Variants in KLHL5 observed in about 807,000 individuals in gnomAD.
KLHL5 encodes the protein kelch-like protein 5.
KLHL5 carries 48 observed loss-of-function variants against 77.7 expected under a neutral mutation model. That is an observed-to-expected ratio of 0.62 (90% CI 0.49 to 0.79). The LOEUF (loss-of-function observed/expected upper bound fraction) is 0.79, where lower values mean the gene tolerates loss of function less well. KLHL5 is among the 30% of genes least tolerant of loss of function. KLHL5 has a pLI of 0.00. For synonymous variants in KLHL5, 260 were observed against 297.0 expected, an observed-to-expected ratio of 0.88 and a Z score of 1.28; for missense variants, 723 against 859.7, an observed-to-expected ratio of 0.84 and a Z score of 1.99.
intron 4 of KLHL5, among the ~76,000 whole-genome samples, chr4:39,084,209 C>T (rs1018921120): frequency 1.3e-5 from 2 of 152,118 alleles, no homozygotes; most frequent in Admixed American, 1.3e-4. Flanking sequence ...TGAGTTCAAT[C>T]AGTGAATGGT....
intron 5 of KLHL5, chr4:39,093,225 A>G: frequency 2.3e-6 from 1 of 442,776 alleles, no homozygotes; most frequent in African/African-American, 2.0e-5. Context: ...AAGTCTCAAA[A>G]GTGTGCTAAG....
the KLHL5 span, among the ~76,000 whole-genome samples, chr4:39,137,598 T>C: frequency 6.6e-6 from 1 of 152,032 alleles, no homozygotes; most frequent in Non-Finnish European, 1.5e-5. Context: ...CCAGCCTGGG[T>C]GATGGAATGA....
At chr4:39,100,632 T>C (rs1721451511) in intron 6 of KLHL5, among the ~76,000 whole-genome samples, 1 of 152,180 alleles carries the variant, frequency 6.6e-6, no homozygotes, top group Admixed American at 6.5e-5. Context: ...AACAGGCATT[T>C]TGGCTTTGGA....
intron 6 of KLHL5, among the ~76,000 whole-genome samples, chr4:39,098,135 CAAA>C (rs571749349): frequency 0.036 from 2,547 of 70,798 alleles, 72 homozygotes; most frequent in African/African-American, 0.1. Context: ...GAATCCATCT[CAAA>C]AAAAAAAAAA....
At chr4:39,135,169 A>C in the KLHL5 span, 1 of 152,206 alleles carries the variant, frequency 6.6e-6, no homozygotes, top group South Asian at 2.1e-4. Flanking sequence ...TTATGGTTTC[A>C]TGGATGCTGG....
chr4:39,062,764 GA>G lies in KLHL5; in HGVS notation c.114del (p.Glu38AspfsTer17). On this transcript the variant is annotated frameshift_variant, in exon 1 of 11. Coordinates refer to ENST00000504108, the MANE Select transcript of KLHL5 (RefSeq NM_015990.5). LOFTEE classifies it high-confidence loss of function. ...TTCTACAGTTGACAGCCAGCAGGGA[GA>G]ATTTTGGAACCGAGGACAGACTGGA... Reference protein sequence around the residue: ...PNSTVDSQQGEFWNRGQTGAN... With the variant: ...PNSTVDSQQGXFWNRGQTGAN... The G allele has an allele frequency of 2.5e-6, 4 of 1,614,164 alleles. No individual in the cohort carries two copies. The highest frequency in any genetic ancestry group is 3.4e-6 in the Non-Finnish European group (4 of 1,180,004).
chr4:39,076,018 C>T lies in KLHL5; in HGVS notation c.437C>T (p.Thr146Ile). The T allele has an allele frequency of 6.2e-7, 1 of 1,612,434 alleles. No individual in the cohort carries two copies. ...TCCTGTCATACTATGGAGCCATGTA[C>T]ATCAGATGAATTTTTCCAAGCCCTT... ...LSSCHTMEPC[T>I]SDEFFQALNH... The change falls in exon 2 of 11, where the codon ACA becomes ATA. Residue 146 changes from threonine to isoleucine, a missense_variant. Thr to Ile is a moderately conservative substitution (Grantham distance 89). Transcript: ENST00000504108.
chr4:39,045,021 C>G (rs1468441708), upstream of KLHL5: 1 of 992,928 alleles, frequency 1.0e-6, no homozygotes, highest in Non-Finnish European at 1.2e-6. Flanking sequence ...CCGGCCCCGG[C>G]CCCCGCCTCC....
the KLHL5 span, among the ~76,000 whole-genome samples, chr4:39,136,795 A>C: frequency 6.6e-6 from 1 of 152,184 alleles, no homozygotes; most frequent in Non-Finnish European, 1.5e-5. Context: ...TGCAGTGGCT[A>C]GTTAGCCAGG....
In KLHL5 at chr4:39,051,305, C is replaced by T. The variant is rs79553273; in HGVS notation, c.-95+6209C>T. On this transcript the variant is annotated intron_variant, in intron 1 of 11. Transcript: ENST00000261425. ...GTTTGAAAAATATCCATAGCTTCAC[C>T]TCATCAGTGGCCGAAGAGATTAACT... 1.4e-3 allele frequency among the ~76,000 whole-genome samples: 217 copies of T among 151,888 alleles called. 5 individuals are homozygous for T. In the East Asian group the frequency reaches 0.037, roughly 26 times the overall value.
upstream of KLHL5, chr4:39,045,032 C>T (rs1716045475): frequency 1.0e-6 from 1 of 993,962 alleles, no homozygotes; most frequent in Non-Finnish European, 1.2e-6. Flanking sequence ...CCCCGCCTCC[C>T]CCGCTCCTCC....
At chr4:39,135,767 G>A in the KLHL5 span, among the ~76,000 whole-genome samples, 1 of 152,106 alleles carries the variant, frequency 6.6e-6, no homozygotes, top group Non-Finnish European at 1.5e-5. Flanking sequence ...AGCCGGACGT[G>A]TTGGTGCGCT....
At chr4:39,054,581 G>A (rs1448853865) in intron 1 of KLHL5, among the ~76,000 whole-genome samples, 1 of 152,212 alleles carries the variant, frequency 6.6e-6, no homozygotes, top group Non-Finnish European at 1.5e-5. Context: ...ACTGAAGAGA[G>A]AACTGAAGAC....
downstream of KLHL5, among the ~76,000 whole-genome samples, chr4:39,131,752 G>A (rs564898858): frequency 6.6e-6 from 1 of 152,142 alleles, no homozygotes; most frequent in East Asian, 1.9e-4. Flanking sequence ...GCCGGGTGTG[G>A]TGGTGCATGC....
rs1481898562 is a variant in KLHL5 at position 39,063,016 on chromosome 4, T to G, written c.364T>G (p.Ser122Ala). ...TGGCACTAGTGAAGAAGAAAATGAATCTGATTCCAGTTCATGCAGGTTGAT... is the reference window on the plus strand; with the variant it reads ...TGGCACTAGTGAAGAAGAAAATGAAGCTGATTCCAGTTCATGCAGGTTGAT... ...DDGTSEEENESDSSSCRTSNS... is the reference protein window; with the variant it reads ...DDGTSEEENEADSSSCRTSNS... Residue 122 changes from serine (S) to alanine (A), a missense_variant, in exon 1 of 11, where the codon TCT becomes GCT. Transcript: ENST00000504108. 1.9e-6 allele frequency: 3 copies of G among 1,612,576 alleles called. No individual in the cohort carries two copies. Among genetic ancestry groups the G allele is most frequent in the East Asian group, 4.5e-5 (2 of 44,858 alleles).
In KLHL5 at chr4:39,101,123, ATT is replaced by A. The variant is rs763967060; in HGVS notation, c.1301-2161_1301-2160del. ...GATTTTGTTAATTTTGGATATTTGG[ATT>A]TTATATATATATATATATATATCTA... is the stretch of plus-strand genomic sequence containing the variant. On this transcript the variant is annotated intron_variant, in intron 6 of 10. Coordinates refer to ENST00000504108, the MANE Select transcript of KLHL5 (RefSeq NM_015990.5). 9.8e-4 allele frequency among the ~76,000 whole-genome samples: 25 copies of A among 25,592 alleles called. 1 individual carries two copies. Among genetic ancestry groups the A allele is most frequent in the African/African-American group, 3.2e-3 (21 of 6,610 alleles). The allele number at this position is 25,592 out of a possible 152,430, so 16.8% of individuals were successfully genotyped here. A position where few individuals can be genotyped will look rare whatever the true frequency, so the allele number is the denominator to read the frequency against.
upstream of KLHL5, chr4:39,045,021 C>A (rs1468441708): frequency 2.0e-6 from 2 of 992,930 alleles, no homozygotes; most frequent in East Asian, 1.1e-4. Context: ...CCGGCCCCGG[C>A]CCCCGCCTCC....
At chr4:39,045,489 A>T (rs1225293122) in intron 1 of KLHL5, among the ~76,000 whole-genome samples, 1 of 149,542 alleles carries the variant, frequency 6.7e-6, no homozygotes, top group African/African-American at 2.4e-5. Context: ...ACCATTTCGG[A>T]TTTTTTTTTT....
chr4:39,135,112 G>A, the KLHL5 span, among the ~76,000 whole-genome samples: 2 of 152,196 alleles, frequency 1.3e-5, no homozygotes, highest in Non-Finnish European at 2.9e-5. Context: ...CTGGTTATCA[G>A]GATCTGAGAT....
Sources: allele counts gnomAD v4.1 joint callset (sites outside exome capture counted in the v4.1 genomes callset), GRCh38; gene constraint gnomAD v4.1.1; transcripts MANE v1.5; gene names NCBI Gene and HGNC (gene_info 2026-07-23, HGNC 2026-07-21).